CSMD1: variants seen among roughly 807,000 people sequenced by gnomAD.
CSMD1 encodes the protein CUB and Sushi multiple domains 1, also known as CUB and sushi domain-containing protein 1.
Under a neutral mutation model 417.5 loss-of-function variants are expected in CSMD1, and 213 were observed. The ratio of observed to expected loss-of-function variants is 0.51; its 90% CI spans 0.46 to 0.57. The LOEUF is 0.57. Among genes scored for constraint, CSMD1 ranks in the 20% least tolerant of loss-of-function variants. CSMD1 has a pLI of 0.00. For synonymous variants in CSMD1, 2,862 were observed against 1,736.8 expected, an observed-to-expected ratio of 1.65 and a Z score of -16.11; for missense variants, 6,923 against 4,529.7, an observed-to-expected ratio of 1.53 and a Z score of -15.17.
intron 26 of CSMD1, among the ~76,000 whole-genome samples, chr8:3,259,592 G>T (rs1442394): frequency 0.75 from 114,292 of 151,576 alleles, 44,150 homozygotes; most frequent in Non-Finnish European, 0.85. Context: ...TAAACATGAT[G>T]TGTCTTTTCT....
At chr8:3,289,242 T>G (rs1389480361) in intron 25 of CSMD1, among the ~76,000 whole-genome samples, 2 of 147,308 alleles carry the variant, frequency 1.4e-5, no homozygotes, top group Non-Finnish European at 2.9e-5. Flanking sequence ...GACATTTAGG[T>G]TGGTTCCACG....
At chr8:3,498,904 C>A (rs1259483542) in intron 10 of CSMD1, among the ~76,000 whole-genome samples, 1 of 152,004 alleles carries the variant, frequency 6.6e-6, no homozygotes, top group Non-Finnish European at 1.5e-5. Flanking sequence ...TGTTTTCCTA[C>A]TTTTTGAATT....
chr8:3,278,096 T>C (rs113585101), intron 26 of CSMD1, among the ~76,000 whole-genome samples: 58 of 152,130 alleles, frequency 3.8e-4, no homozygotes, highest in Middle Eastern at 3.4e-3. Flanking sequence ...GGAAAAAATA[T>C]ATGAATCAGC....
At chr8:4,829,546 A>G (rs1800021997) in intron 1 of CSMD1, among the ~76,000 whole-genome samples, 1 of 152,074 alleles carries the variant, frequency 6.6e-6, no homozygotes, top group Non-Finnish European at 1.5e-5. Context: ...GTTCAAGAGC[A>G]GTCTGGGCAA....
At chr8:3,719,378 TA>T (rs1802017364) in intron 6 of CSMD1, among the ~76,000 whole-genome samples, 1 of 152,214 alleles carries the variant, frequency 6.6e-6, no homozygotes, top group Admixed American at 6.5e-5. Flanking sequence ...TTTCATCTGT[TA>T]AAAGAAGGGC....
intron 1 of CSMD1, among the ~76,000 whole-genome samples, chr8:4,790,088 G>A (rs1177869643): frequency 6.6e-6 from 1 of 152,080 alleles, no homozygotes; most frequent in African/African-American, 2.4e-5. Flanking sequence ...GAGTTTTGTG[G>A]GAAAATACTA....
chr8:4,914,544 C>T (rs1325618255), intron 1 of CSMD1, among the ~76,000 whole-genome samples: 7 of 147,616 alleles, frequency 4.7e-5, no homozygotes, highest in Middle Eastern at 3.4e-3. Context: ...CGCCACTGCA[C>T]TCCAGCCTGG....
chr8:4,559,920 G>C (rs1007599810), intron 2 of CSMD1, among the ~76,000 whole-genome samples: 2 of 152,194 alleles, frequency 1.3e-5, no homozygotes, highest in African/African-American at 4.8e-5. Flanking sequence ...ATGACCCTGG[G>C]TTTCCTGATC....
intron 2 of CSMD1, among the ~76,000 whole-genome samples, chr8:4,433,525 C>A (rs979308724): frequency 6.6e-6 from 1 of 152,132 alleles, no homozygotes; most frequent in African/African-American, 2.4e-5. Flanking sequence ...CCCCAGATCC[C>A]CCTGCCGGCA....
Position 4,284,253 on chromosome 8 carries a change from A to T in CSMD1, c.415+135700T>A, listed in dbSNP as rs561942238. Among the ~76,000 whole-genome samples, 28 of 152,236 alleles carry T rather than the reference A, an allele frequency of 1.8e-4. No homozygotes were observed. In the South Asian group the frequency reaches 5.8e-3, roughly 32 times the overall value. On this transcript the variant is annotated intron_variant, in intron 3 of 69. Coordinates refer to ENST00000635120, the MANE Select transcript of CSMD1 (RefSeq NM_033225.6). The stretch of plus-strand genomic sequence containing the variant: ...CGTGGTGGCACGTGCCTGTAATGTT[A>T]GCTGCTCGCGAGGCTGAGACACAAG...
chr8:3,847,082 C>T (rs1004845420), intron 5 of CSMD1, among the ~76,000 whole-genome samples: 8 of 152,116 alleles, frequency 5.3e-5, no homozygotes, highest in Admixed American at 1.3e-4. Context: ...TGGGGGAAGG[C>T]AGGATCCTAA....
At chr8:4,884,674 G>C (rs1803620345) in intron 1 of CSMD1, among the ~76,000 whole-genome samples, 3 of 152,022 alleles carry the variant, frequency 2.0e-5, no homozygotes, top group South Asian at 4.2e-4. Flanking sequence ...AATAACAATT[G>C]CCCAGAAAAA....
chr8:3,760,841 G>C (rs1384866335), intron 5 of CSMD1, among the ~76,000 whole-genome samples: 1 of 152,138 alleles, frequency 6.6e-6, no homozygotes, highest in East Asian at 1.9e-4. Flanking sequence ...ACTGCTATTG[G>C]GAGAGGCTTT....
intron 3 of CSMD1, among the ~76,000 whole-genome samples, chr8:4,168,544 C>T (rs1233491053): frequency 6.6e-6 from 1 of 152,020 alleles, no homozygotes; most frequent in Non-Finnish European, 1.5e-5. Context: ...CAGAACACAA[C>T]AGTGAGCAGA....
intron 1 of CSMD1, among the ~76,000 whole-genome samples, chr8:4,918,239 G>T (rs955433277): frequency 6.6e-6 from 1 of 152,180 alleles, no homozygotes; most frequent in Non-Finnish European, 1.5e-5. Flanking sequence ...CATCACTCAA[G>T]GCCCCCTCCA....
chr8:3,007,901 CCCTAAAACTT>C (rs1563231286), intron 52 of CSMD1, among the ~76,000 whole-genome samples: 1 of 151,344 alleles, frequency 6.6e-6, no homozygotes, highest in Non-Finnish European at 1.5e-5. Flanking sequence ...TGCACATGTA[CCCTAAAACTT>C]AAAGTATAAT....
At chr8:3,614,055 G>C (rs530438833) in intron 8 of CSMD1, among the ~76,000 whole-genome samples, 3 of 152,022 alleles carry the variant, frequency 2.0e-5, no homozygotes, top group Non-Finnish European at 4.4e-5. Flanking sequence ...TAACTAGCTT[G>C]TCTCTGTTAT....
chr8:4,451,483 C>A (rs1321533526), intron 2 of CSMD1, among the ~76,000 whole-genome samples: 4 of 152,082 alleles, frequency 2.6e-5, no homozygotes, highest in Admixed American at 6.6e-5. Flanking sequence ...TAAAGCTTAC[C>A]CATAGAGAAA....
At position 3,369,314 on chromosome 8, in the gene CSMD1, G is replaced by A. The variant is rs866921579; in HGVS notation, c.2839C>T (p.Pro947Ser). Residue 947 changes from proline to serine, a missense_variant, in exon 19 of 70, where the codon CCA (proline) becomes TCA (serine). Physicochemically the swap from Pro to Ser is moderately conservative, Grantham distance 74 (BLOSUM62 -1). Transcript: ENST00000635120. ...TTTAGAGAGTTTGGATAAAAATCTG[G>A]AAACCCAGGAGAAAGGACTGTTCCA... ...KSGTVLSPGF[P>S]DFYPNSLNCT... The A allele has an allele frequency of 6.2e-7, 1 of 1,608,698 alleles. No homozygotes were observed. Among genetic ancestry groups the A allele is most frequent in the Non-Finnish European group, 8.5e-7 (1 of 1,175,510 alleles).
Sources: allele counts gnomAD v4.1 joint callset (sites outside exome capture counted in the v4.1 genomes callset), GRCh38; gene constraint gnomAD v4.1.1; transcripts MANE v1.5; gene names NCBI Gene and HGNC (gene_info 2026-07-23, HGNC 2026-07-21).